Variants in NTM observed in about 807,000 individuals in gnomAD.
NTM encodes the protein IgLON family member 2.
NTM carries 13 observed loss-of-function variants against 42.1 expected under a neutral mutation model. That is an observed-to-expected ratio of 0.31 (90% confidence interval 0.20 to 0.49). The LOEUF is 0.49. Among genes scored for constraint, NTM ranks in the 20% least tolerant of loss-of-function variants. The probability of loss-of-function intolerance (pLI) is 0.99; values close to 1 mark genes in which losing one functional copy is unlikely to be tolerated. For synonymous variants in NTM, 187 were observed against 179.2 expected, an observed-to-expected ratio of 1.04 and a Z score of -0.35; for missense variants, 373 against 452.8, an observed-to-expected ratio of 0.82 and a Z score of 1.60.
At chr11:131,447,296 C>T (rs1041890330) in intron 1 of NTM, among the ~76,000 whole-genome samples, 7 of 152,142 alleles carry the variant, frequency 4.6e-5, no homozygotes, top group African/African-American at 1.4e-4. Context: ...TTTTCCTAGC[C>T]GCTGCTTCTG....
At chr11:131,943,311 AAGT>A in intron 2 of NTM, among the ~76,000 whole-genome samples, 1 of 152,326 alleles carries the variant, frequency 6.6e-6, no homozygotes, top group Middle Eastern at 3.4e-3. Flanking sequence ...AACTGCACCC[AAGT>A]CATCAACTCT....
chr11:132,314,869 GACAGAGAGAC>G, intron 7 of NTM, 166 bp downstream of exon 7: 1 of 1,370,512 alleles, frequency 7.3e-7, no homozygotes, highest in Non-Finnish European at 9.4e-7. Flanking sequence ...GAGAGAGAGG[GACAGAGAGAC>G]AGGGAGGAGG....
intron 2 of NTM, among the ~76,000 whole-genome samples, chr11:132,111,605 T>A (rs1037824730): frequency 6.6e-6 from 1 of 152,204 alleles, no homozygotes. Context: ...TGTCACAGTA[T>A]GCCCTGTGTA....
chr11:131,628,071 A>G (rs1013423289), intron 1 of NTM, among the ~76,000 whole-genome samples: 5 of 152,330 alleles, frequency 3.3e-5, no homozygotes, highest in African/African-American at 1.2e-4. Context: ...AATGTGGACT[A>G]TTCCAGGCTG....
Position 131,583,381 on chromosome 11 carries a change from ATCTG to A in NTM, c.82+212497_82+212500del, listed in dbSNP as rs748699764. ...TGGCAAATAGATATTAAAATATTAA[ATCTG>A]TCTAAGATATCTTCTTCATAAAATA... On this transcript the variant is annotated intron_variant, in intron 1 of 8. Coordinates refer to ENST00000683400, the MANE Select transcript of NTM (RefSeq NM_001352005.2). Among the ~76,000 whole-genome samples the A allele has an allele frequency of 2.7e-4, 41 of 152,162 alleles. 1 individual carries two copies. Among genetic ancestry groups the A allele is most frequent in the African/African-American group, 3.9e-4 (16 of 41,442 alleles).
intron 2 of NTM, among the ~76,000 whole-genome samples, chr11:132,021,086 C>T (rs1001351279): frequency 6.6e-6 from 1 of 151,878 alleles, no homozygotes; most frequent in African/African-American, 2.4e-5. Flanking sequence ...CCTCTTTTTC[C>T]AACTGGGTAA....
chr11:131,991,099 G>A (rs1474267524), intron 2 of NTM, among the ~76,000 whole-genome samples: 1 of 152,150 alleles, frequency 6.6e-6, no homozygotes, highest in Non-Finnish European at 1.5e-5. Context: ...GTACCATGGA[G>A]CAGATGCAAT....
chr11:132,214,192 CCCTGGGCCCTTCTGAAGG>C, intron 4 of NTM, among the ~76,000 whole-genome samples: 1 of 152,138 alleles, frequency 6.6e-6, no homozygotes, highest in Non-Finnish European at 1.5e-5. Context: ...TGGAAAATGG[CCCTGGGCCCTTCTGAAGG>C]AGGGGCCATT....
At chr11:131,555,647 G>T (rs191915598) in intron 1 of NTM, among the ~76,000 whole-genome samples, 1 of 152,314 alleles carries the variant, frequency 6.6e-6, no homozygotes, top group Non-Finnish European at 1.5e-5. Context: ...GATGGTCCCA[G>T]CTCAGTTATC....
intron 2 of NTM, among the ~76,000 whole-genome samples, chr11:132,102,059 G>A (rs1294116369): frequency 2.6e-5 from 4 of 152,142 alleles, no homozygotes; most frequent in African/African-American, 9.7e-5. Flanking sequence ...ACGCCTCTAA[G>A]TCTTGGCTTA....
intron 1 of NTM, among the ~76,000 whole-genome samples, chr11:131,477,831 T>C (rs551312491): frequency 6.6e-6 from 1 of 151,422 alleles, no homozygotes; most frequent in Non-Finnish European, 1.5e-5. Context: ...AGTCCAACTT[T>C]ATAGCCTGTG....
chr11:132,176,495 A>G lies in NTM; in HGVS notation c.400+29981A>G, dbSNP rs114961532. ...AGATATTGTCACATCTTGTCATTTG[A>G]AAATTCTAAATTAGGTTATGCATGT... On this transcript the variant is annotated intron_variant, in intron 3 of 8. Transcript: ENST00000683400. Among the ~76,000 whole-genome samples the G allele has an allele frequency of 2.3e-3, 357 of 152,298 alleles. 2 individuals are homozygous for G. Among genetic ancestry groups the G allele is most frequent in the African/African-American group, 8.3e-3 (343 of 41,570 alleles).
At chr11:131,655,478 C>A (rs1018620662) in intron 1 of NTM, among the ~76,000 whole-genome samples, 8 of 152,234 alleles carry the variant, frequency 5.3e-5, no homozygotes, top group African/African-American at 1.9e-4. Context: ...AGGTCAGCAA[C>A]AACCTCCAGG....
At chr11:131,729,118 G>A (rs2079313200) in intron 1 of NTM, among the ~76,000 whole-genome samples, 1 of 152,126 alleles carries the variant, frequency 6.6e-6, no homozygotes, top group South Asian at 2.1e-4. Context: ...GTGACCTTGG[G>A]CAACTTATAT....
At chr11:132,025,118 T>G (rs2074987155) in intron 2 of NTM, among the ~76,000 whole-genome samples, 1 of 152,118 alleles carries the variant, frequency 6.6e-6, no homozygotes, top group South Asian at 2.1e-4. Context: ...AGAGAGAGGC[T>G]AGAAGGCTGA....
chr11:132,039,003 G>C (rs968203642), intron 2 of NTM, among the ~76,000 whole-genome samples: 2 of 152,206 alleles, frequency 1.3e-5, no homozygotes, highest in African/African-American at 4.8e-5. Flanking sequence ...CCGTGTCTGA[G>C]TGGTTATTTG....
chr11:132,279,189 C>G (rs972693502), intron 4 of NTM, among the ~76,000 whole-genome samples: 1 of 152,044 alleles, frequency 6.6e-6, no homozygotes, highest in Non-Finnish European at 1.5e-5. Context: ...AATTAATATC[C>G]AAGTCCCATC....
chr11:132,282,181 T>C (rs549048968), intron 4 of NTM, among the ~76,000 whole-genome samples: 26 of 152,034 alleles, frequency 1.7e-4, no homozygotes, highest in African/African-American at 5.6e-4. Flanking sequence ...TATTGACCAA[T>C]AGGGAGCCTG....
At chr11:131,999,911 G>A (rs1350214413) in intron 2 of NTM, among the ~76,000 whole-genome samples, 2 of 152,012 alleles carry the variant, frequency 1.3e-5, no homozygotes, top group Non-Finnish European at 2.9e-5. Flanking sequence ...TCTTTTTCAC[G>A]GTTGATTTCG....
Sources: gnomAD v4.1 joint callset for allele counts (sites outside exome capture counted in the v4.1 genomes callset) on GRCh38, gnomAD v4.1.1 for gene constraint, MANE v1.5 for transcripts, NCBI Gene and HGNC (gene_info 2026-07-23, HGNC 2026-07-21) for gene names.